ISM1: variants seen among roughly 807,000 people sequenced by gnomAD.
ISM1 encodes isthmin-1.
ISM1 carries 25 observed loss-of-function variants against 46.3 expected under a neutral mutation model. The observed-to-expected ratio is 0.54, with a 90% CI of 0.39 to 0.75. ISM1 has a LOEUF of 0.75. ISM1 is among the 30% of genes least tolerant of loss of function. ISM1 has a pLI of 0.00. For missense variants in ISM1, 536 were observed against 625.4 expected (o/e 0.86, Z 1.52); for synonymous variants, 255 against 256.7 (o/e 0.99, Z 0.06).
intron 1 of ISM1, among the ~76,000 whole-genome samples, chr20:13,253,312 C>T (rs2039888049): frequency 6.6e-6 from 1 of 151,704 alleles, no homozygotes; most frequent in African/African-American, 2.4e-5. Flanking sequence ...CCTTCCCTCA[C>T]GGTGTTATCA....
At chr20:13,271,013 C>A (rs1297277019) in intron 2 of ISM1, among the ~76,000 whole-genome samples, 1 of 152,100 alleles carries the variant, frequency 6.6e-6, no homozygotes, top group Non-Finnish European at 1.5e-5. Flanking sequence ...AAGATACATA[C>A]TAATTTAAGA....
intron 2 of ISM1, among the ~76,000 whole-genome samples, chr20:13,278,435 T>C (rs571979727): frequency 6.6e-6 from 1 of 152,304 alleles, no homozygotes; most frequent in East Asian, 1.9e-4. Context: ...CTATACACCC[T>C]GAAGCAACCA....
intron 2 of ISM1, among the ~76,000 whole-genome samples, chr20:13,276,379 T>C (rs535756861): frequency 6.6e-6 from 1 of 152,296 alleles, no homozygotes; most frequent in East Asian, 1.9e-4. Context: ...AGAGTTTGCT[T>C]CTAGTCAATG....
intron 2 of ISM1, among the ~76,000 whole-genome samples, chr20:13,272,318 T>C (rs546908069): frequency 3.3e-4 from 50 of 152,214 alleles, no homozygotes; most frequent in Non-Finnish European, 5.7e-4. Context: ...ACCAGCATCA[T>C]GGGAGCACGC....
At chr20:13,277,539 T>C (rs1485895700) in intron 2 of ISM1, among the ~76,000 whole-genome samples, 3 of 152,220 alleles carry the variant, frequency 2.0e-5, no homozygotes, top group Non-Finnish European at 4.4e-5. Flanking sequence ...TCTGAGCTTC[T>C]GTGTGGGTCC....
intron 1 of ISM1, among the ~76,000 whole-genome samples, chr20:13,252,913 C>A (rs1257284099): frequency 1.3e-5 from 2 of 152,210 alleles, no homozygotes; most frequent in African/African-American, 4.8e-5. Flanking sequence ...CTCTCTTAGG[C>A]CCACCTGGGG....
chr20:13,311,258 T>TAGAC, the ISM1 span, among the ~76,000 whole-genome samples: 1 of 118,632 alleles, frequency 8.4e-6, no homozygotes, highest in Non-Finnish European at 1.9e-5. Context: ...GATAGATAGA[T>TAGAC]AGATAGATAG....
the ISM1 span, among the ~76,000 whole-genome samples, chr20:13,326,461 G>A: frequency 6.6e-6 from 1 of 152,076 alleles, no homozygotes; most frequent in African/African-American, 2.4e-5. Flanking sequence ...TCCATCTCCA[G>A]CATCAATATG....
At chr20:13,326,202 A>C in the ISM1 span, among the ~76,000 whole-genome samples, 1 of 152,158 alleles carries the variant, frequency 6.6e-6, no homozygotes, top group Non-Finnish European at 1.5e-5. Context: ...GAGCTTGTTT[A>C]TCCACTCGCC....
At chr20:13,269,024 G>A (rs2040080537) in intron 1 of ISM1, among the ~76,000 whole-genome samples, 1 of 152,184 alleles carries the variant, frequency 6.6e-6, no homozygotes, top group Non-Finnish European at 1.5e-5. Context: ...TCTTGACCTT[G>A]GGCGCTCAGA....
chr20:13,251,503 T>C (rs2039867768), intron 1 of ISM1, among the ~76,000 whole-genome samples: 1 of 152,166 alleles, frequency 6.6e-6, no homozygotes. Context: ...ATTCTGGGGA[T>C]GGATCCTCTG....
In ISM1 at chr20:13,292,559, T is replaced by G. The variant is rs2040365032; in HGVS notation, c.877+96T>G. The G allele has an allele frequency of 9.0e-6, 7 of 774,658 alleles. No individual in the cohort carries two copies. In the East Asian group the frequency reaches 1.9e-4, roughly 21 times the overall value. 48.0% of individuals were successfully genotyped at this position (774,658 alleles called of 1,614,324 possible). Reference sequence around the variant, plus strand: ...CCATCCTTGGATCCACGTAAATGTTTCATTTTCCTTTTCTGGGGTCCAGTG... The same window carrying G: ...CCATCCTTGGATCCACGTAAATGTTGCATTTTCCTTTTCTGGGGTCCAGTG... On this transcript the variant is annotated intron_variant, in intron 5 of 5. Coordinates refer to ENST00000262487, the MANE Select transcript of ISM1 (RefSeq NM_080826.2).
the ISM1 span, among the ~76,000 whole-genome samples, chr20:13,310,808 G>C: frequency 1.3e-5 from 2 of 152,180 alleles, no homozygotes; most frequent in Non-Finnish European, 2.9e-5. Context: ...ATGGATATAT[G>C]TAAAGTTGCT....
At chr20:13,307,662 G>T in the ISM1 span, among the ~76,000 whole-genome samples, 1 of 152,156 alleles carries the variant, frequency 6.6e-6, no homozygotes, top group African/African-American at 2.4e-5. Context: ...GTCTGATTTT[G>T]ACCTTCGGGT....
Position 13,299,536 on chromosome 20 carries a change from C to T in ISM1, c.*77C>T. 1 of 1,321,504 alleles carries T rather than the reference C, an allele frequency of 7.6e-7. No individual in the cohort carries two copies. Among genetic ancestry groups the T allele is most frequent in the Non-Finnish European group, 1.0e-6 (1 of 960,820 alleles). The allele number at this position is 1,321,504 out of a possible 1,614,324, so 81.9% of individuals were successfully genotyped here. On this transcript the variant is annotated 3_prime_UTR_variant, in exon 6 of 6. Coordinates refer to ENST00000262487, the MANE Select transcript of ISM1 (RefSeq NM_080826.2). The surrounding 1 kb of genome is among the most constrained non-coding windows in gnomAD (Gnocchi z 5.8). ...TGCTGCACTGACGTGCCGACTGGCG[C>T]CGAGACCTTCATAGCTGCGGTCGTG...
At chr20:13,274,552 C>G (rs886599008) in intron 2 of ISM1, among the ~76,000 whole-genome samples, 1 of 152,214 alleles carries the variant, frequency 6.6e-6, no homozygotes. Flanking sequence ...CCTCCCCACC[C>G]CTTCAGGCTC....
the ISM1 span, among the ~76,000 whole-genome samples, chr20:13,323,624 G>A: frequency 2.6e-5 from 4 of 152,218 alleles, no homozygotes; most frequent in Admixed American, 6.5e-5. Flanking sequence ...ACTACCATAC[G>A]ACTATAATTC....
chr20:13,300,288 T>C lies in ISM1; in HGVS notation c.*829T>C, dbSNP rs1388477713. 1 of 152,114 alleles carries C rather than the reference T, an allele frequency of 6.6e-6. No homozygotes were observed. The highest frequency in any genetic ancestry group is 2.4e-5 in the African/African-American group (1 of 41,422). 9.4% of individuals were successfully genotyped at this position (152,114 alleles called of 1,614,324 possible). ...CAAGTTCAGATGTAAAAACAAGAAG[T>C]AGCACTTTTCCAAAGGAAAACAACA... On this transcript the variant is annotated 3_prime_UTR_variant, in exon 6 of 6. Transcript: ENST00000262487.
intron 1 of ISM1, among the ~76,000 whole-genome samples, chr20:13,224,147 T>C (rs955999039): frequency 1.3e-5 from 2 of 152,160 alleles, no homozygotes; most frequent in African/African-American, 2.4e-5. Context: ...CTTCAGCTTA[T>C]CTTGTAATAG....
Sources: gnomAD v4.1 joint callset for allele counts (sites outside exome capture counted in the v4.1 genomes callset) on GRCh38, gnomAD v4.1.1 for gene constraint, Gnocchi (gnomAD v3.1) non-coding constraint, MANE v1.5 for transcripts, NCBI Gene and HGNC (gene_info 2026-07-23, HGNC 2026-07-21) for gene names.